Variants in KCNH8 observed in about 807,000 individuals in gnomAD.
The protein encoded by KCNH8 is voltage-gated delayed rectifier potassium channel KCNH8.
In KCNH8, 70 loss-of-function variants were observed where a neutral mutation model predicts 103.6. The ratio of observed to expected loss-of-function variants is 0.68; its 90% confidence interval spans 0.56 to 0.82. The LOEUF (loss-of-function observed/expected upper bound fraction) is 0.82. Ranked by LOEUF, KCNH8 falls within the 40% of genes least tolerant of loss-of-function variation. The pLI, the probability that KCNH8 is intolerant of heterozygous loss-of-function variation, is 0.00. For synonymous variants in KCNH8, 498 were observed against 489.4 expected, an observed-to-expected ratio of 1.02 and a Z score of -0.23; for missense variants, 1,217 against 1,329.9, an observed-to-expected ratio of 0.92 and a Z score of 1.32.
intron 5 of KCNH8, among the ~76,000 whole-genome samples, chr3:19,373,086 T>C (rs2066128399): frequency 6.6e-6 from 1 of 151,994 alleles, no homozygotes; most frequent in Admixed American, 6.6e-5. Flanking sequence ...TTTGGTTGTG[T>C]CTGTGCCCGG....
At chr3:19,211,494 T>C (rs191740975) in intron 1 of KCNH8, among the ~76,000 whole-genome samples, 14 of 152,306 alleles carry the variant, frequency 9.2e-5, no homozygotes, top group African/African-American at 2.9e-4. Context: ...CCACTGCTGA[T>C]ATGCACAGTA....
intron 5 of KCNH8, among the ~76,000 whole-genome samples, chr3:19,354,331 A>G (rs1575550536): frequency 6.6e-6 from 1 of 152,196 alleles, no homozygotes; most frequent in South Asian, 2.1e-4. Flanking sequence ...ACTCAATGCT[A>G]TCCCCATCAA....
chr3:19,195,626 G>T (rs113007270), intron 1 of KCNH8, among the ~76,000 whole-genome samples: 8 of 151,796 alleles, frequency 5.3e-5, no homozygotes, highest in Non-Finnish European at 1.2e-4. Flanking sequence ...GCAGTTTTTC[G>T]CCTGTCACTA....
intron 11 of KCNH8, among the ~76,000 whole-genome samples, chr3:19,479,905 G>T (rs1034408866): frequency 6.6e-6 from 1 of 152,152 alleles, no homozygotes; most frequent in Admixed American, 6.6e-5. Context: ...CCTCCAATCT[G>T]CTTTGTGACT....
intron 11 of KCNH8, among the ~76,000 whole-genome samples, chr3:19,487,425 AG>A (rs2068233395): frequency 6.6e-6 from 1 of 152,130 alleles, no homozygotes; most frequent in South Asian, 2.1e-4. Flanking sequence ...GGCAGGAGGT[AG>A]GTGTTCTATG....
At chr3:19,180,708 TGTTTG>T (rs147383791) in intron 1 of KCNH8, among the ~76,000 whole-genome samples, 2,758 of 152,266 alleles carry the variant, frequency 0.018, 80 homozygotes, top group African/African-American at 0.062. Flanking sequence ...TTTGTTTGTT[TGTTTG>T]GTTTGGTTTG....
chr3:19,234,017 A>G (rs1418844587), intron 1 of KCNH8, among the ~76,000 whole-genome samples: 1 of 152,146 alleles, frequency 6.6e-6, no homozygotes, highest in African/African-American at 2.4e-5. Flanking sequence ...AAGCTTCCAC[A>G]GTGTGGAAGG....
chr3:19,335,041 C>A (rs2065563353), intron 3 of KCNH8, among the ~76,000 whole-genome samples: 1 of 151,790 alleles, frequency 6.6e-6, no homozygotes, highest in South Asian at 2.1e-4. Flanking sequence ...TACCTTCATT[C>A]TCTCTCTCTG....
Position 19,342,622 on chromosome 3 carries a change from T to G in KCNH8, c.478T>G (p.Phe160Val). Residue 160 changes from phenylalanine to valine, a missense_variant, in exon 4 of 16, where the codon TTT (phenylalanine) becomes GTT (valine). Phe to Val is a conservative substitution (Grantham distance 50). Transcript: ENST00000328405. The stretch of plus-strand genomic sequence containing the variant: ...AGGAAGATCAAGAGCAGGGACCCAC[T>G]TTGACTCAGCCCGGAGACGGAGTCG... ...VKGRSRAGTH[F>V]DSARRRSRAV... 1 of 1,610,854 alleles carries G rather than the reference T, an allele frequency of 6.2e-7. No individual in the cohort carries two copies. Among genetic ancestry groups the G allele is most frequent in the Non-Finnish European group, 8.5e-7 (1 of 1,177,776 alleles).
chr3:19,445,765 T>G (rs942948503), intron 8 of KCNH8, among the ~76,000 whole-genome samples: 1 of 151,986 alleles, frequency 6.6e-6, no homozygotes. Context: ...GGACTATTTA[T>G]CATAGATTTT....
chr3:19,340,936 G>A (rs892718232), intron 3 of KCNH8, among the ~76,000 whole-genome samples: 1 of 152,108 alleles, frequency 6.6e-6, no homozygotes, highest in Non-Finnish European at 1.5e-5. Context: ...TTATTAAAAT[G>A]TTTTAGAGCA....
At chr3:19,168,059 G>C (rs1031670884) in intron 1 of KCNH8, among the ~76,000 whole-genome samples, 3 of 150,962 alleles carry the variant, frequency 2.0e-5, no homozygotes, top group Non-Finnish European at 4.4e-5. Context: ...CACCCAGGCT[G>C]GAGTGCAGTG....
chr3:19,386,955 T>C (rs2066365929), intron 5 of KCNH8, among the ~76,000 whole-genome samples: 1 of 152,148 alleles, frequency 6.6e-6, no homozygotes, highest in Non-Finnish European at 1.5e-5. Flanking sequence ...CTCAACACAA[T>C]CTTTTTATGC....
chr3:19,372,070 G>C (rs1465506134), intron 5 of KCNH8, among the ~76,000 whole-genome samples: 2 of 152,170 alleles, frequency 1.3e-5, no homozygotes, highest in Non-Finnish European at 2.9e-5. Context: ...TGTTCTTTTG[G>C]CTGAGGATTG....
chr3:19,375,992 C>G (rs1489897527), intron 5 of KCNH8, among the ~76,000 whole-genome samples: 1 of 152,180 alleles, frequency 6.6e-6, no homozygotes, highest in Admixed American at 6.5e-5. Context: ...AGAACCACTG[C>G]TCTCTTCAAA....
At chr3:19,277,855 C>G (rs1329710167) in intron 2 of KCNH8, among the ~76,000 whole-genome samples, 1 of 152,134 alleles carries the variant, frequency 6.6e-6, no homozygotes, top group South Asian at 2.1e-4. Context: ...TGTGTTGACA[C>G]TCTCCAACCC....
Position 19,395,002 on chromosome 3 carries a change from A to G in KCNH8, c.970-102A>G, listed in dbSNP as rs1435576125. The G allele has an allele frequency of 3.8e-5, 31 of 809,186 alleles. No homozygotes were observed. The South Asian group carries it at 4.2e-4, about 11-fold the overall frequency. 50.1% of individuals were successfully genotyped at this position (809,186 alleles called of 1,614,324 possible). A position where few individuals can be genotyped will look rare whatever the true frequency, so the allele number is the denominator to read the frequency against. On this transcript the variant is annotated intron_variant, in intron 6 of 15. Coordinates refer to ENST00000328405, the MANE Select transcript of KCNH8 (RefSeq NM_144633.3). Reference sequence around the variant, plus strand: ...TTCATAAAAATAATAATATGAAAATAATTATACTTCATTTCCAGAATTTTT... The same window carrying G: ...TTCATAAAAATAATAATATGAAAATGATTATACTTCATTTCCAGAATTTTT...
intron 5 of KCNH8, among the ~76,000 whole-genome samples, chr3:19,372,317 A>C (rs1223090092): frequency 6.6e-6 from 1 of 151,218 alleles, no homozygotes; most frequent in Non-Finnish European, 1.5e-5. Context: ...CTCCTTGAAG[A>C]GGTCCTTCAC....
chr3:19,436,449 A>G (rs1257974893), intron 7 of KCNH8, among the ~76,000 whole-genome samples: 3 of 152,240 alleles, frequency 2.0e-5, no homozygotes, highest in African/African-American at 7.2e-5. Context: ...ATGTACTGTC[A>G]TTTCAGAAGA....
Sources: gnomAD v4.1 joint callset for allele counts (sites outside exome capture counted in the v4.1 genomes callset) on GRCh38, gnomAD v4.1.1 for gene constraint, MANE v1.5 for transcripts, NCBI Gene and HGNC (gene_info 2026-07-23, HGNC 2026-07-21) for gene names.